The following MAGI2 variants were observed in gnomAD, a reference collection of about 807,000 sequenced individuals.
MAGI2 encodes the protein membrane-associated guanylate kinase, WW and PDZ domain-containing protein 2.
Under a neutral mutation model 133.3 loss-of-function variants are expected in MAGI2, and 35 were observed. The observed-to-expected ratio is 0.26, with a 90% CI of 0.20 to 0.35. The LOEUF (loss-of-function observed/expected upper bound fraction) is 0.35, where lower values mean the gene tolerates loss of function less well. Ranked by LOEUF, MAGI2 falls within the 10% of genes least tolerant of loss-of-function variation. The pLI is 1.00. For missense variants in MAGI2, 1,636 were observed against 1,863.4 expected, an observed-to-expected ratio of 0.88 and a Z score of 2.25; for synonymous variants, 729 against 710.6, an observed-to-expected ratio of 1.03 and a Z score of -0.41.
At chr7:79,287,495 C>A (rs1563079529) in intron 1 of MAGI2, among the ~76,000 whole-genome samples, 1 of 152,154 alleles carries the variant, frequency 6.6e-6, no homozygotes, top group South Asian at 2.1e-4. Flanking sequence ...CCTAAAGAAT[C>A]AATTCTGGAA....
chr7:78,538,781 T>G (rs1408390300), intron 3 of MAGI2, among the ~76,000 whole-genome samples: 2 of 152,194 alleles, frequency 1.3e-5, no homozygotes. Flanking sequence ...AATCATATCA[T>G]TGGCAAACAG....
At position 78,133,140 on chromosome 7, in the gene MAGI2, T is replaced by C. The variant is rs2072155; in HGVS notation, c.3032-80A>G. 0.7 allele frequency: 844,935 copies of C among 1,201,822 alleles called. 298,900 individuals are homozygous for C. Among genetic ancestry groups the C allele is most frequent in the African/African-American group, 0.88 (56,419 of 64,152 alleles). The allele number at this position is 1,201,822 out of a possible 1,614,324, so 74.4% of individuals were successfully genotyped here. ...AAGAAGTGACTAGAGGCAGTGACTTTGCCTCTGCTGATGGCTCAGGCTTTG... is the reference window on the plus strand; with the variant it reads ...AAGAAGTGACTAGAGGCAGTGACTTCGCCTCTGCTGATGGCTCAGGCTTTG... On this transcript the variant is annotated intron_variant, in intron 17 of 21. Coordinates refer to ENST00000354212, the MANE Select transcript of MAGI2 (RefSeq NM_012301.4).
chr7:79,220,363 G>T (rs7781907), intron 1 of MAGI2, among the ~76,000 whole-genome samples: 90,855 of 151,710 alleles, frequency 0.6, 28,835 homozygotes, highest in Non-Finnish European at 0.7. Context: ...GAGGAAGAAA[G>T]GCTGGTAACA....
chr7:79,013,198 T>G (rs1182946532), intron 1 of MAGI2, among the ~76,000 whole-genome samples: 1 of 123,728 alleles, frequency 8.1e-6, no homozygotes, highest in African/African-American at 3.0e-5. Context: ...CAAATTATTT[T>G]ACTATTTACT....
chr7:78,590,453 T>G (rs1297824534), intron 3 of MAGI2, among the ~76,000 whole-genome samples: 2 of 152,058 alleles, frequency 1.3e-5, no homozygotes, highest in Admixed American at 1.3e-4. Context: ...ATTGGGAAAA[T>G]TTTTCACATT....
At chr7:78,299,355 G>T (rs1293908909) in intron 9 of MAGI2, among the ~76,000 whole-genome samples, 1 of 152,098 alleles carries the variant, frequency 6.6e-6, no homozygotes, top group East Asian at 1.9e-4. Context: ...AGCAGGAAGG[G>T]TATGGCTAAA....
At chr7:78,213,345 A>T (rs1787953211) in intron 10 of MAGI2, among the ~76,000 whole-genome samples, 1 of 152,156 alleles carries the variant, frequency 6.6e-6, no homozygotes, top group Admixed American at 6.5e-5. Context: ...AAGTCCTGAT[A>T]AAGGTTATTC....
At chr7:79,130,490 G>T (rs905195599) in intron 1 of MAGI2, among the ~76,000 whole-genome samples, 1 of 152,066 alleles carries the variant, frequency 6.6e-6, no homozygotes, top group Non-Finnish European at 1.5e-5. Flanking sequence ...ACTGCATAAG[G>T]ATGCCGCGGC....
At chr7:79,377,631 A>C (rs993951699) in intron 1 of MAGI2, among the ~76,000 whole-genome samples, 1 of 151,864 alleles carries the variant, frequency 6.6e-6, no homozygotes, top group Admixed American at 6.6e-5. Flanking sequence ...GACAGCCAAA[A>C]AGCTTCAAGG....
intron 2 of MAGI2, among the ~76,000 whole-genome samples, chr7:78,941,743 C>CACACACACAA (rs1801001673): frequency 6.7e-6 from 1 of 148,158 alleles, no homozygotes; most frequent in Admixed American, 6.7e-5. Context: ...CACACACACA[C>CACACACACAA]ACACACACAC....
chr7:78,409,404 A>G (rs1400898336), intron 6 of MAGI2, among the ~76,000 whole-genome samples: 4 of 152,136 alleles, frequency 2.6e-5, no homozygotes, highest in African/African-American at 9.6e-5. Flanking sequence ...CTCACACAGT[A>G]GTGCTTTAAA....
At chr7:78,699,585 C>G (rs535496620) in intron 2 of MAGI2, among the ~76,000 whole-genome samples, 4 of 152,210 alleles carry the variant, frequency 2.6e-5, no homozygotes, top group South Asian at 4.1e-4. Context: ...TCAAATACTT[C>G]TAGGCCCAAG....
At chr7:78,600,756 T>C (rs1435238653) in intron 3 of MAGI2, among the ~76,000 whole-genome samples, 1 of 152,094 alleles carries the variant, frequency 6.6e-6, no homozygotes, top group East Asian at 1.9e-4. Context: ...TGGGTGCATG[T>C]ATGGAAAGGA....
At chr7:79,087,791 A>C (rs1816661644) in intron 1 of MAGI2, among the ~76,000 whole-genome samples, 1 of 152,044 alleles carries the variant, frequency 6.6e-6, no homozygotes, top group Non-Finnish European at 1.5e-5. Context: ...GGTTTGTCAA[A>C]GATCAGATGG....
At chr7:78,728,989 G>C (rs1450911928) in intron 2 of MAGI2, among the ~76,000 whole-genome samples, 1 of 152,114 alleles carries the variant, frequency 6.6e-6, no homozygotes, top group Non-Finnish European at 1.5e-5. Context: ...CACTGAAAAG[G>C]GGTAAGAAAT....
At chr7:79,325,995 C>T (rs1534494) in intron 1 of MAGI2, among the ~76,000 whole-genome samples, 151,505 of 152,254 alleles carry the variant, frequency 1, 75,389 homozygotes, top group Middle Eastern at 1. Context: ...CCCCAAACTT[C>T]CTCCAATTGT....
chr7:78,624,212 A>G (rs1291168961), intron 3 of MAGI2, among the ~76,000 whole-genome samples: 1 of 151,992 alleles, frequency 6.6e-6, no homozygotes, highest in East Asian at 1.9e-4. Context: ...TGTAGACTCA[A>G]TATTAGATCT....
At chr7:78,060,952 G>A (rs1813176889) in intron 21 of MAGI2, among the ~76,000 whole-genome samples, 1 of 152,006 alleles carries the variant, frequency 6.6e-6, no homozygotes, top group Non-Finnish European at 1.5e-5. Context: ...GATCACTTGA[G>A]GCCAGGAGTT....
At chr7:78,890,342 TC>T (rs1563629889) in intron 2 of MAGI2, among the ~76,000 whole-genome samples, 1 of 152,064 alleles carries the variant, frequency 6.6e-6, no homozygotes, top group Non-Finnish European at 1.5e-5. Context: ...AACAAGGATA[TC>T]CAGGAATTGA....
Sources: allele counts gnomAD v4.1 joint callset (sites outside exome capture counted in the v4.1 genomes callset), GRCh38; gene constraint gnomAD v4.1.1; transcripts MANE v1.5; gene names NCBI Gene and HGNC (gene_info 2026-07-23, HGNC 2026-07-21).